Variants in NOL6 observed in about 807,000 individuals in gnomAD.
The protein encoded by NOL6 is nucleolar RNA-associated protein.
In NOL6, 33 loss-of-function variants were observed where a neutral mutation model predicts 131.7. The ratio of observed to expected loss-of-function variants is 0.25; its 90% CI spans 0.19 to 0.33. NOL6 has a LOEUF of 0.33. NOL6 is among the 10% of genes least tolerant of loss of function. The pLI is 1.00. For synonymous variants in NOL6, 580 were observed against 605.7 expected, an observed-to-expected ratio of 0.96 and a Z score of 0.62; for missense variants, 1,297 against 1,494.5, an observed-to-expected ratio of 0.87 and a Z score of 2.18.
Position 33,469,582 on chromosome 9 carries a change from G to C in NOL6, c.644C>G (p.Ala215Gly). Residue 215 changes from alanine (A) to glycine (G), a missense_variant, in exon 5 of 26, where the codon GCC becomes GGC. Physicochemically the swap from Ala to Gly is moderately conservative, Grantham distance 60. Transcript: ENST00000297990. ...AACACTGCCAAAGAGGGGGTCCTGG[G>C]CCAGGTGGTGAGCCAAGTGGGCCAG... Reference protein sequence around the residue: ...LYLAHLAHHLAQDPLFGSVCF... With the variant: ...LYLAHLAHHLGQDPLFGSVCF... 6.2e-7 allele frequency: 1 copy of C among 1,610,834 alleles called. No individual in the cohort carries two copies. The highest frequency in any genetic ancestry group is 8.5e-7 in the Non-Finnish European group (1 of 1,179,108).
intron 4 of NOL6, 75 bp downstream of exon 4, chr9:33,469,937 C>T: frequency 7.1e-7 from 1 of 1,405,692 alleles, no homozygotes; most frequent in Non-Finnish European, 9.6e-7. Flanking sequence ...TGGCAAGCGG[C>T]AGATAAGAAA....
rs1319827612 is a variant in NOL6, at chr9:33,463,016, G to C, written c.3291+17C>G. 6.2e-7 allele frequency: 1 copy of C among 1,608,368 alleles called. No homozygotes were observed. The highest frequency in any genetic ancestry group is 1.7e-5 in the Admixed American group (1 of 59,642). On this transcript the variant is annotated intron_variant, in intron 25 of 25. Transcript: ENST00000297990. ...CGTGCACACACTCAGGAACACAGCTGTCACCAGCCAGCACACCTTGAAGGG... is the reference window on the plus strand; with the variant it reads ...CGTGCACACACTCAGGAACACAGCTCTCACCAGCCAGCACACCTTGAAGGG...
chr9:33,466,764 T>G, intron 15 of NOL6, 55 bp from the exon 16 acceptor site: 2 of 1,601,626 alleles, frequency 1.2e-6, no homozygotes, highest in Non-Finnish European at 1.7e-6. Flanking sequence ...CAGCTTCACC[T>G]GGATTCTGCC....
At position 33,466,686 on chromosome 9, in the gene NOL6, G is replaced by A; in HGVS notation, c.1974C>T (p.Ala658=). Residue 658 remains alanine, a synonymous_variant, in exon 16 of 26, where the codon GCC becomes GCT. Coordinates refer to ENST00000297990, the MANE Select transcript of NOL6 (RefSeq NM_022917.5). ...CGTAGCAACGTACCGCCGCTACCAG[G>A]GCCTCCTCACCTGTGCTGGAGGTCT... ...LKETSSTGEE[A]LVAAVRCYDD... The A allele has an allele frequency of 6.2e-7, 1 of 1,613,822 alleles. No individual in the cohort carries two copies. The highest frequency in any genetic ancestry group is 1.1e-5 in the South Asian group (1 of 91,086).
At position 33,472,205 on chromosome 9, in the gene NOL6, C is replaced by T; in HGVS notation, c.261+1G>A. On this transcript the variant is annotated splice_donor_variant, in intron 2 of 25. Transcript: ENST00000297990. LOFTEE classifies it high-confidence loss of function. ...CAAAAGCTGCAGACACTCAACAGTA[C>T]CTGTAAACGAAGCAAGCTGGAGTGG... is the stretch of plus-strand genomic sequence containing the variant. 1 of 1,614,184 alleles carries T rather than the reference C, an allele frequency of 6.2e-7. No individual in the cohort carries two copies. The highest frequency in any genetic ancestry group is 1.1e-5 in the South Asian group (1 of 91,082).
Position 33,464,130 on chromosome 9 carries a change from G to A in NOL6, c.2811C>T (p.Phe937=). 6.2e-7 allele frequency: 1 copy of A among 1,612,894 alleles called. No homozygotes were observed. The highest frequency in any genetic ancestry group is 8.5e-7 in the Non-Finnish European group (1 of 1,179,410). Residue 937 remains phenylalanine, a synonymous_variant, in exon 22 of 26, where the codon TTC becomes TTT. Coordinates refer to ENST00000297990, the MANE Select transcript of NOL6 (RefSeq NM_022917.5). ...VEEQVEIRSG[F]LAARAQLPVM... Reference sequence around the variant, plus strand: ...CGGGGAGCTGTGCCCGAGCTGCCAGGAAGCCACTGCGGATCTCCACCTGCT... The same window carrying A: ...CGGGGAGCTGTGCCCGAGCTGCCAGAAAGCCACTGCGGATCTCCACCTGCT...
Position 33,468,438 on chromosome 9 carries a change from G to A in NOL6, c.1207-16C>T. 1 of 1,614,036 alleles carries A rather than the reference G, an allele frequency of 6.2e-7. No homozygotes were observed. The highest frequency in any genetic ancestry group is 8.5e-7 in the Non-Finnish European group (1 of 1,179,916). On this transcript the variant is annotated splice_polypyrimidine_tract_variant and intron_variant, in intron 9 of 25. Transcript: ENST00000297990. ...CCAGGGCCGGCTTGGGGGGTGTAGAGAGAAGCAGGTCAGGATTGGCACCTT... is the reference window on the plus strand; with the variant it reads ...CCAGGGCCGGCTTGGGGGGTGTAGAAAGAAGCAGGTCAGGATTGGCACCTT...
intron 15 of NOL6, 36 bp downstream of exon 15, chr9:33,466,876 C>T (rs1827260663): frequency 1.2e-6 from 2 of 1,606,042 alleles, no homozygotes; most frequent in South Asian, 2.2e-5. Flanking sequence ...AGATTGATTA[C>T]TCTACAATCA....
At chr9:33,471,806 G>C (rs1219024999) in intron 3 of NOL6, among the ~76,000 whole-genome samples, 198 bp downstream of exon 3, 1 of 152,202 alleles carries the variant, frequency 6.6e-6, no homozygotes, top group South Asian at 2.1e-4. Flanking sequence ...TATATCCTAA[G>C]AACACAAATA....
At position 33,469,139 on chromosome 9, in the gene NOL6, A is replaced by G. The variant is rs1460241200; in HGVS notation, c.863-18T>C. ...TGGGCTACCTGTGGGATGAAAAGGG[A>G]AGCCATGAGAGGAAAAGTCCCCACA... On this transcript the variant is annotated intron_variant, in intron 6 of 25. Transcript: ENST00000297990. 1 of 1,613,976 alleles carries G rather than the reference A, an allele frequency of 6.2e-7. No homozygotes were observed. Among genetic ancestry groups the G allele is most frequent in the Non-Finnish European group, 8.5e-7 (1 of 1,179,954 alleles).
chr9:33,467,527 T>TC lies in NOL6; in HGVS notation c.1603-12dup. On this transcript the variant is annotated splice_polypyrimidine_tract_variant and intron_variant, in intron 12 of 25. Coordinates refer to ENST00000297990, the MANE Select transcript of NOL6 (RefSeq NM_022917.5). The surrounding 1 kb of genome is among the most constrained non-coding windows in gnomAD (Gnocchi z 4.4). Reference sequence around the variant, plus strand: ...TTGGCTGATGTCCCACTGCAGGATTTCAAAAGGCTGAGCTCAGTCCTCCAA... The same window carrying TC: ...TTGGCTGATGTCCCACTGCAGGATTTCCAAAAGGCTGAGCTCAGTCCTCCAA... The TC allele has an allele frequency of 6.2e-7, 1 of 1,613,986 alleles. No individual in the cohort carries two copies.
intron 2 of NOL6, 37 bp downstream of exon 2, chr9:33,472,169 C>T (rs1827429362): frequency 1.5e-5 from 25 of 1,613,036 alleles, no homozygotes; most frequent in Non-Finnish European, 2.1e-5. Flanking sequence ...GTCCCAGGTA[C>T]ACACCTCGAA....
rs200159295 is a variant in NOL6 at position 33,468,160 on chromosome 9, G to C, written c.1309-15C>G. 1.9e-6 allele frequency: 3 copies of C among 1,614,078 alleles called. No homozygotes were observed. In the African/African-American group the frequency reaches 4.0e-5, roughly 22 times the overall value. On this transcript the variant is annotated splice_polypyrimidine_tract_variant and intron_variant, in intron 10 of 25. Transcript: ENST00000297990. Reference sequence around the variant, plus strand: ...TCATGCTGTACCTGGAGCCACAGAAGGGACCATCCCTGTGCCCTTCATTGA... The same window carrying C: ...TCATGCTGTACCTGGAGCCACAGAACGGACCATCCCTGTGCCCTTCATTGA...
intron 6 of NOL6, 24 bp from the exon 7 acceptor site, chr9:33,469,145 T>C: frequency 6.2e-7 from 1 of 1,613,998 alleles, no homozygotes; most frequent in Non-Finnish European, 8.5e-7. Context: ...AGGGAAGCCA[T>C]GAGAGGAAAA....
intron 1 of NOL6, chr9:33,472,828 C>A (rs1237429496): frequency 3.8e-6 from 1 of 261,704 alleles, no homozygotes; most frequent in Non-Finnish European, 7.6e-6. Context: ...CAAAAATTAG[C>A]CAGGTGTGGT....
At chr9:33,465,433 C>A in intron 19 of NOL6, 74 bp from the exon 20 acceptor site, 1 of 1,478,580 alleles carries the variant, frequency 6.8e-7, no homozygotes, top group Non-Finnish European at 9.1e-7. Context: ...TACCCAAGGC[C>A]AGCCTCAGTG....
chr9:33,472,270 T>C lies in NOL6; in HGVS notation c.197A>G (p.Asn66Ser). The C allele has an allele frequency of 1.2e-6, 2 of 1,614,218 alleles. No homozygotes were observed. Among genetic ancestry groups the C allele is most frequent in the Non-Finnish European group, 1.7e-6 (2 of 1,180,032 alleles). Residue 66 changes from asparagine to serine, a missense_variant, in exon 2 of 26, where the codon AAT (asparagine) becomes AGT (serine). Transcript: ENST00000297990. ...SRAELYKEPT[N>S]EELNRLRETE... ...CTCCCGAAGGCGATTAAGCTCCTCA[T>C]TGGTAGGCTCCTTGTACAGTTCTGC...
At chr9:33,469,876 G>A (rs1827360112) in intron 4 of NOL6, 136 bp downstream of exon 4, 2 of 1,066,060 alleles carry the variant, frequency 1.9e-6, no homozygotes, top group Non-Finnish European at 2.7e-6. Flanking sequence ...CTGCCTTCAG[G>A]ATGCCTGCAA....
In NOL6 at chr9:33,463,438, C is replaced by G; in HGVS notation, c.2998G>C (p.Val1000Leu). 1 of 1,609,196 alleles carries G rather than the reference C, an allele frequency of 6.2e-7. No homozygotes were observed. Among genetic ancestry groups the G allele is most frequent in the Non-Finnish European group, 8.5e-7 (1 of 1,177,684 alleles). Residue 1000 changes from valine (V) to leucine (L), a missense_variant, in exon 24 of 26, where the codon GTG becomes CTG. Transcript: ENST00000297990. Reference sequence around the variant, plus strand: ...TAAATGTCCAAGGGCGGCCGGAACACTGTCTAAGGAAGGGGAGAAGGAGGG... The same window carrying G: ...TAAATGTCCAAGGGCGGCCGGAACAGTGTCTAAGGAAGGGGAGAAGGAGGG... ...DPRGPGDIRT[V>L]FRPPLDIYDV...
Sources: gnomAD v4.1 joint callset for allele counts (sites outside exome capture counted in the v4.1 genomes callset) on GRCh38, gnomAD v4.1.1 for gene constraint, Gnocchi (gnomAD v3.1) non-coding constraint, MANE v1.5 for transcripts, NCBI Gene and HGNC (gene_info 2026-07-23, HGNC 2026-07-21) for gene names.